Variants in GPR35 observed in about 807,000 individuals in gnomAD.
GPR35 encodes the protein G protein-coupled receptor 35.
For synonymous variants in GPR35, 207 were observed against 198.4 expected (o/e 1.04, Z -0.36); for missense variants, 372 against 422.5 (o/e 0.88, Z 1.05).
intron 3 of GPR35, chr2:240,617,082 A>C (rs1575463076): frequency 1.4e-6 from 1 of 713,966 alleles, no homozygotes; most frequent in South Asian, 1.5e-5. Context: ...CTGAAACTCT[A>C]CCAACAGCCA....
At chr2:240,619,090 G>A in intron 5 of GPR35, 2 of 685,050 alleles carry the variant, frequency 2.9e-6, no homozygotes, top group South Asian at 1.5e-5. Flanking sequence ...TCTCTAATTT[G>A]GCTAAAGATA....
chr2:240,616,475 C>G (rs371257641), exon 3 of GPR35: 22 of 780,600 alleles, frequency 2.8e-5, no homozygotes, highest in Non-Finnish European at 4.5e-5. Flanking sequence ...AATCTCCTGT[C>G]GACTGCGAGT....
intron 3 of GPR35, chr2:240,616,879 T>C: frequency 2.7e-6 from 2 of 735,272 alleles, no homozygotes; most frequent in Non-Finnish European, 5.1e-6. Flanking sequence ...TGCTGCCCTG[T>C]GAAGAGGCAT....
chr2:240,611,616 A>T (rs1235586539), intron 2 of GPR35, among the ~76,000 whole-genome samples: 2 of 152,192 alleles, frequency 1.3e-5, no homozygotes, highest in African/African-American at 4.8e-5. Context: ...AACAAGAGGA[A>T]CCACTCTCTG....
intron 1 of GPR35, among the ~76,000 whole-genome samples, chr2:240,606,163 C>T (rs908842247): frequency 1.3e-5 from 2 of 152,228 alleles, no homozygotes. Flanking sequence ...CCACAACACT[C>T]ACTCAGGGAT....
intron 2 of GPR35, among the ~76,000 whole-genome samples, chr2:240,615,076 T>A (rs1328480757): frequency 1.3e-5 from 2 of 152,018 alleles, no homozygotes; most frequent in African/African-American, 4.8e-5. Context: ...TGCATGTGTG[T>A]ATGTTTACAT....
chr2:240,623,231 T>C (rs1022980636), upstream of GPR35, among the ~76,000 whole-genome samples: 3 of 152,102 alleles, frequency 2.0e-5, no homozygotes, highest in African/African-American at 7.2e-5. Context: ...ACAAGCCCAG[T>C]GCGCAGAAAG....
chr2:240,611,159 G>A (rs1386116797), intron 2 of GPR35, among the ~76,000 whole-genome samples: 1 of 151,908 alleles, frequency 6.6e-6, no homozygotes, highest in African/African-American at 2.4e-5. Context: ...TAGAGATGGG[G>A]ATTTCCCTAT....
At chr2:240,621,820 C>T (rs750100821), upstream of GPR35, among the ~76,000 whole-genome samples, 16 of 152,194 alleles carry the variant, frequency 1.1e-4, no homozygotes, top group East Asian at 1.9e-4. Context: ...ACAGGGGTCT[C>T]GTCTGTGTAA....
Position 240,631,205 on chromosome 2 carries a change from A to C in GPR35, c.*323A>C, listed in dbSNP as rs907019473. 1 of 356,928 alleles carries C rather than the reference A, an allele frequency of 2.8e-6. No homozygotes were observed. Among genetic ancestry groups the C allele is most frequent in the Non-Finnish European group, 5.4e-6 (1 of 186,626 alleles). 22.1% of individuals were successfully genotyped at this position (356,928 alleles called of 1,614,324 possible). A position where few individuals can be genotyped will look rare whatever the true frequency, so the allele number is the denominator to read the frequency against. ...CTGGCCAGGGTGCAGCCTTGATGAC[A>C]CCTGCCGCTGCCCCTCGGGGCTGGA... is the stretch of plus-strand genomic sequence containing the variant. On this transcript the variant is annotated 3_prime_UTR_variant, in exon 2 of 2. Coordinates refer to ENST00000407714, the MANE Select transcript of GPR35 (RefSeq NM_005301.5).
At chr2:240,626,774 C>G (rs540705149) in intron 1 of GPR35, among the ~76,000 whole-genome samples, 1 of 152,190 alleles carries the variant, frequency 6.6e-6, no homozygotes, top group African/African-American at 2.4e-5. Flanking sequence ...ACTGCGTGCC[C>G]CCACGTCTTC....
chr2:240,621,967 G>T (rs576212363), upstream of GPR35, among the ~76,000 whole-genome samples: 5 of 152,278 alleles, frequency 3.3e-5, no homozygotes, highest in South Asian at 1.0e-3. Context: ...CTGCCTCCCA[G>T]GCTCAGGTGC....
intron 2 of GPR35, among the ~76,000 whole-genome samples, chr2:240,607,732 G>C (rs568815091): frequency 6.6e-5 from 10 of 151,744 alleles, no homozygotes; most frequent in African/African-American, 2.4e-4. Flanking sequence ...TGCTTCTTTT[G>C]TTCTTTTCTG....
intron 1 of GPR35, 45 bp downstream of exon 1, chr2:240,625,613 G>C (rs2043359237): frequency 1.1e-6 from 1 of 910,382 alleles, no homozygotes; most frequent in Non-Finnish European, 1.3e-6. Context: ...CGGGGCAGGG[G>C]CATGGTGGGG....
intron 2 of GPR35, among the ~76,000 whole-genome samples, chr2:240,614,638 C>T (rs184324929): frequency 6.6e-6 from 1 of 152,350 alleles, no homozygotes; most frequent in East Asian, 1.9e-4. Context: ...CATCCCCCAG[C>T]ATGGGTGCTT....
At chr2:240,610,539 C>T (rs1256911001) in intron 2 of GPR35, among the ~76,000 whole-genome samples, 1 of 152,198 alleles carries the variant, frequency 6.6e-6, no homozygotes, top group Non-Finnish European at 1.5e-5. Flanking sequence ...GGGCTCACTG[C>T]AGCCTCAAAC....
chr2:240,610,827 G>A (rs1057127088), intron 2 of GPR35, among the ~76,000 whole-genome samples: 1 of 151,244 alleles, frequency 6.6e-6, no homozygotes, highest in African/African-American at 2.4e-5. Flanking sequence ...GTAGAGATGG[G>A]GCTTCACTGT....
chr2:240,623,591 C>T (rs993941332), upstream of GPR35, among the ~76,000 whole-genome samples: 5 of 151,788 alleles, frequency 3.3e-5, no homozygotes, highest in Admixed American at 2.0e-4. Context: ...TGGAGGGGCC[C>T]GGGCAAGGCC....
At chr2:240,620,184 T>TC (rs1205085184) in intron 5 of GPR35, among the ~76,000 whole-genome samples, 1 of 151,682 alleles carries the variant, frequency 6.6e-6, no homozygotes, top group East Asian at 2.0e-4. Flanking sequence ...CAGCAGTGGG[T>TC]CCCCAGGAGC....
Sources: allele counts gnomAD v4.1 joint callset (sites outside exome capture counted in the v4.1 genomes callset), GRCh38; gene constraint gnomAD v4.1.1; transcripts MANE v1.5; gene names NCBI Gene and HGNC (gene_info 2026-07-23, HGNC 2026-07-21).